Variants in CTNNBL1 observed in about 807,000 individuals in gnomAD.
CTNNBL1 encodes the protein beta-catenin-like protein 1.
In CTNNBL1, 31 loss-of-function variants were observed where a neutral mutation model predicts 72.7. The observed-to-expected ratio is 0.43, with a 90% CI of 0.32 to 0.58. The LOEUF (loss-of-function observed/expected upper bound fraction) is 0.58. Ranked by LOEUF, CTNNBL1 falls within the 20% of genes least tolerant of loss-of-function variation. CTNNBL1 has a pLI of 0.08. For synonymous variants in CTNNBL1, 240 were observed against 267.3 expected, an observed-to-expected ratio of 0.90 and a Z score of 1.00; for missense variants, 534 against 725.1, an observed-to-expected ratio of 0.74 and a Z score of 3.03.
At chr20:37,774,160 C>T (rs962155524) in intron 7 of CTNNBL1, among the ~76,000 whole-genome samples, 2 of 152,028 alleles carry the variant, frequency 1.3e-5, no homozygotes, top group African/African-American at 2.4e-5. Flanking sequence ...GTGATCCTCC[C>T]GCCTCAGCTT....
intron 10 of CTNNBL1, among the ~76,000 whole-genome samples, chr20:37,786,542 A>G (rs6013057): frequency 0.11 from 17,194 of 152,066 alleles, 1,665 homozygotes; most frequent in African/African-American, 0.27. Context: ...ATGCATATGT[A>G]TGTGTGTACA....
chr20:37,836,567 C>T (rs989511222), intron 11 of CTNNBL1, among the ~76,000 whole-genome samples: 2 of 152,166 alleles, frequency 1.3e-5, no homozygotes, highest in African/African-American at 4.8e-5. Context: ...AGTTGTCCCT[C>T]CTCTATGTTG....
intron 11 of CTNNBL1, among the ~76,000 whole-genome samples, chr20:37,830,853 T>C (rs990083938): frequency 6.6e-6 from 1 of 152,184 alleles, no homozygotes; most frequent in Admixed American, 6.5e-5. Flanking sequence ...TCACATAATA[T>C]ATTGAATATT....
intron 7 of CTNNBL1, among the ~76,000 whole-genome samples, chr20:37,770,988 G>A (rs1470020108): frequency 2.6e-5 from 4 of 152,064 alleles, no homozygotes; most frequent in African/African-American, 7.2e-5. Context: ...CTTCAACATC[G>A]TGGTGACTCT....
At chr20:37,772,382 A>T (rs1168626970) in intron 7 of CTNNBL1, among the ~76,000 whole-genome samples, 4 of 151,892 alleles carry the variant, frequency 2.6e-5, no homozygotes, top group African/African-American at 9.7e-5. Flanking sequence ...ACGGAGTCTC[A>T]CTCTGTCACC....
At chr20:37,764,125 AG>A (rs1407830164) in intron 5 of CTNNBL1, among the ~76,000 whole-genome samples, 2 of 152,156 alleles carry the variant, frequency 1.3e-5, no homozygotes, top group African/African-American at 4.8e-5. Flanking sequence ...AACTAGACCT[AG>A]GGTAAGGCCT....
At chr20:37,714,031 A>C (rs915226413) in intron 1 of CTNNBL1, among the ~76,000 whole-genome samples, 2 of 152,056 alleles carry the variant, frequency 1.3e-5, no homozygotes, top group African/African-American at 2.4e-5. Flanking sequence ...AGATGGTGGA[A>C]TCTTCTTCCT....
intron 1 of CTNNBL1, among the ~76,000 whole-genome samples, chr20:37,698,148 T>C (rs766046630): frequency 5.3e-5 from 8 of 152,220 alleles, no homozygotes; most frequent in Non-Finnish European, 1.2e-4. Flanking sequence ...TGCAAATATG[T>C]TGGTTGCACA....
chr20:37,816,099 G>A (rs1000960860), intron 11 of CTNNBL1, among the ~76,000 whole-genome samples: 2 of 152,190 alleles, frequency 1.3e-5, no homozygotes, highest in East Asian at 3.9e-4. Context: ...AGATGCTGAT[G>A]AGCTGTAATT....
intron 11 of CTNNBL1, among the ~76,000 whole-genome samples, chr20:37,832,832 C>T (rs2072222438): frequency 6.6e-6 from 1 of 151,048 alleles, no homozygotes; most frequent in Admixed American, 6.6e-5. Context: ...AATGCCAGTC[C>T]ATCCCATTCT....
intron 10 of CTNNBL1, among the ~76,000 whole-genome samples, chr20:37,799,206 C>G (rs1164793814): frequency 6.6e-6 from 1 of 152,220 alleles, no homozygotes; most frequent in Non-Finnish European, 1.5e-5. Flanking sequence ...CCCGTCCCTT[C>G]TTCACATTGC....
At chr20:37,700,742 GA>G (rs1433439273) in intron 1 of CTNNBL1, among the ~76,000 whole-genome samples, 1 of 152,148 alleles carries the variant, frequency 6.6e-6, no homozygotes, top group African/African-American at 2.4e-5. Flanking sequence ...CAGATGTCTG[GA>G]AAAAGTTCTT....
intron 1 of CTNNBL1, among the ~76,000 whole-genome samples, chr20:37,714,585 A>G (rs1351884715): frequency 1.3e-5 from 2 of 152,198 alleles, no homozygotes; most frequent in Non-Finnish European, 2.9e-5. Flanking sequence ...TTTAAAGGCT[A>G]TTGCTGTCTC....
At chr20:37,694,776 C>T (rs980705447) in intron 1 of CTNNBL1, among the ~76,000 whole-genome samples, 9 of 152,120 alleles carry the variant, frequency 5.9e-5, no homozygotes, top group African/African-American at 1.9e-4. Context: ...TGCTCAGGGT[C>T]CCCCTTGCCT....
Position 37,765,267 on chromosome 20 carries a change from C to T in CTNNBL1, c.635C>T (p.Ala212Val), listed in dbSNP as rs1016523708. 1 of 1,551,006 alleles carries T rather than the reference C, an allele frequency of 6.4e-7. No homozygotes were observed. The highest frequency in any genetic ancestry group is 8.7e-7 in the Non-Finnish European group (1 of 1,146,388). Residue 212 changes from alanine (A) to valine (V), a missense_variant, in exon 6 of 16, where the codon GCA becomes GTA. By Grantham distance (64) the Ala-to-Val change is moderately conservative. Transcript: ENST00000361383. Reference sequence around the variant, plus strand: ...CTGGATGAGTCTGTGAAAGAGGAGGCAGATGGCGTCCACAACACTCTGGGT... The same window carrying T: ...CTGGATGAGTCTGTGAAAGAGGAGGTAGATGGCGTCCACAACACTCTGGGT... ...ERLDESVKEE[A>V]DGVHNTLAIV...
intron 4 of CTNNBL1, among the ~76,000 whole-genome samples, chr20:37,748,398 A>G (rs907170672): frequency 1.3e-5 from 2 of 152,194 alleles, no homozygotes; most frequent in Admixed American, 6.5e-5. Flanking sequence ...TCTGGGTTGT[A>G]TAAGAACCCT....
chr20:37,710,372 A>G (rs1258539992), intron 1 of CTNNBL1, among the ~76,000 whole-genome samples: 1 of 152,090 alleles, frequency 6.6e-6, no homozygotes, highest in Non-Finnish European at 1.5e-5. Flanking sequence ...TTTTTTGCCC[A>G]TTCTTTTAAT....
chr20:37,775,819 C>T lies in CTNNBL1; in HGVS notation c.751-1526C>T, dbSNP rs539590305. 1.2e-4 allele frequency among the ~76,000 whole-genome samples: 18 copies of T among 152,326 alleles called. 1 individual carries two copies. The South Asian group carries it at 3.7e-3, about 32-fold the overall frequency. ...TAAAGGACAAGAGGCATTAGATCCACAGAAAGGCCATGGCTCTAGTGACCT... is the reference window on the plus strand; with the variant it reads ...TAAAGGACAAGAGGCATTAGATCCATAGAAAGGCCATGGCTCTAGTGACCT... On this transcript the variant is annotated intron_variant, in intron 7 of 15. Coordinates refer to ENST00000361383, the MANE Select transcript of CTNNBL1 (RefSeq NM_030877.5).
At chr20:37,775,508 A>C (rs1332197861) in intron 7 of CTNNBL1, among the ~76,000 whole-genome samples, 1 of 152,264 alleles carries the variant, frequency 6.6e-6, no homozygotes, top group Non-Finnish European at 1.5e-5. Flanking sequence ...CCCAGTTGCC[A>C]CAGCGCAAAG....
Sources: gnomAD v4.1 joint callset for allele counts (sites outside exome capture counted in the v4.1 genomes callset) on GRCh38, gnomAD v4.1.1 for gene constraint, MANE v1.5 for transcripts, NCBI Gene and HGNC (gene_info 2026-07-23, HGNC 2026-07-21) for gene names.